The following FAM47E variants were observed in gnomAD, a reference collection of about 807,000 sequenced individuals.
The protein encoded by FAM47E is family with sequence similarity 47 member E, also known as protein FAM47E.
FAM47E carries 32 observed loss-of-function variants against 41.6 expected under a neutral mutation model. That is an observed-to-expected ratio of 0.77 (90% confidence interval 0.58 to 1.03). The LOEUF (loss-of-function observed/expected upper bound fraction) is 1.03, where lower values mean the gene tolerates loss of function less well. FAM47E is among the 50% of genes least tolerant of loss of function. FAM47E has a pLI of 0.00. For synonymous variants in FAM47E, 184 were observed against 188.7 expected, an observed-to-expected ratio of 0.98 and a Z score of 0.20; for missense variants, 424 against 485.4, an observed-to-expected ratio of 0.87 and a Z score of 1.19.
intron 2 of FAM47E, among the ~76,000 whole-genome samples, chr4:76,231,092 T>C (rs904940840): frequency 1.3e-5 from 2 of 151,164 alleles, no homozygotes; most frequent in African/African-American, 2.5e-5. Context: ...CATGCTAAGG[T>C]GAAACCGTAG....
chr4:76,276,617 C>T (rs992756175), intron 5 of FAM47E, among the ~76,000 whole-genome samples: 1 of 152,156 alleles, frequency 6.6e-6, no homozygotes, highest in African/African-American at 2.4e-5. Context: ...CCCACCTTGG[C>T]CTTCCAAAGT....
intron 2 of FAM47E, among the ~76,000 whole-genome samples, chr4:76,259,153 T>C (rs1416178124): frequency 1.3e-5 from 2 of 152,228 alleles, no homozygotes; most frequent in Non-Finnish European, 2.9e-5. Flanking sequence ...AATTATTCAA[T>C]TGTGTACAAT....
At chr4:76,214,461 G>A (rs993956008) in intron 1 of FAM47E, 7 of 368,946 alleles carry the variant, frequency 1.9e-5, no homozygotes, top group African/African-American at 1.5e-4. Flanking sequence ...AGCAAAACCT[G>A]TAGGAAGCAA....
At chr4:76,238,214 G>T (rs1733628120) in intron 2 of FAM47E, among the ~76,000 whole-genome samples, 1 of 152,126 alleles carries the variant, frequency 6.6e-6, no homozygotes, top group African/African-American at 2.4e-5. Flanking sequence ...TTTGTATCAC[G>T]GTTGACCCAG....
intron 4 of FAM47E, among the ~76,000 whole-genome samples, chr4:76,270,432 T>TG (rs1230028001): frequency 5.3e-5 from 8 of 151,780 alleles, no homozygotes. Flanking sequence ...AAGCCAAGAG[T>TG]GGGGGTGTCC....
At position 76,227,884 on chromosome 4, in the gene FAM47E, C is replaced by CT. The variant is rs1473033570; in HGVS notation, c.81+10201dup. On this transcript the variant is annotated intron_variant, in intron 2 of 7. Transcript: ENST00000510197. ...TTTGGTGTTCATTTGCCTAGAATAT[C>CT]TTTTTCTAGCCCATTACATTAAGTT... Among the ~76,000 whole-genome samples the CT allele has an allele frequency of 5.3e-5, 8 of 152,240 alleles. No homozygotes were observed. In the East Asian group the frequency reaches 9.6e-4, roughly 18 times the overall value.
intron 7 of FAM47E, chr4:76,281,105 A>T (rs1413780454): frequency 6.6e-6 from 1 of 152,254 alleles, no homozygotes; most frequent in Non-Finnish European, 1.5e-5. Flanking sequence ...ATAGCTGATA[A>T]TGTCAAGCAT....
At chr4:76,247,485 C>T (rs1323488390), upstream of FAM47E, among the ~76,000 whole-genome samples, 3 of 152,038 alleles carry the variant, frequency 2.0e-5, no homozygotes, top group Non-Finnish European at 4.4e-5. Context: ...TATGGTAAAC[C>T]TTTGCTTAGC....
At chr4:76,265,390 G>A (rs1057057630) in intron 3 of FAM47E, among the ~76,000 whole-genome samples, 21 of 152,166 alleles carry the variant, frequency 1.4e-4, no homozygotes, top group Admixed American at 9.8e-4. Flanking sequence ...AAGCCATGTC[G>A]TCTATCATGG....
intron 2 of FAM47E, among the ~76,000 whole-genome samples, chr4:76,228,688 C>A (rs1455414679): frequency 6.6e-6 from 1 of 152,094 alleles, no homozygotes; most frequent in Non-Finnish European, 1.5e-5. Context: ...CCAATCCTTT[C>A]TGGCTTGTAG....
At position 76,227,096 on chromosome 4, in the gene FAM47E, A is replaced by G. The variant is rs1262774336; in HGVS notation, c.81+9408A>G. ...GGGTTTGGTTTGTTCTTGTTTCTCT[A>G]GTTTCTTGAGGTGTGACCTTAGAGT... On this transcript the variant is annotated intron_variant, in intron 2 of 7. Transcript: ENST00000510197. Among the ~76,000 whole-genome samples, 4 of 151,396 alleles carry G rather than the reference A, an allele frequency of 2.6e-5. No homozygotes were observed. In the South Asian group the frequency reaches 6.3e-4, roughly 24 times the overall value.
exon 1 of FAM47E, chr4:76,214,342 T>A (rs1385662268): frequency 6.6e-6 from 3 of 453,756 alleles, no homozygotes; most frequent in Non-Finnish European, 1.3e-5. Flanking sequence ...GGGGGATGCA[T>A]AAGTTTGTCA....
chr4:76,234,634 A>AC (rs1733553634), intron 2 of FAM47E: 2 of 151,462 alleles, frequency 1.3e-5, no homozygotes, highest in South Asian at 2.1e-4. Flanking sequence ...TTTTCCGGGG[A>AC]CCCCCTCCCA....
intron 5 of FAM47E, among the ~76,000 whole-genome samples, chr4:76,272,801 TTA>T (rs1383192965): frequency 6.6e-6 from 1 of 152,128 alleles, no homozygotes; most frequent in African/African-American, 2.4e-5. Flanking sequence ...AAACACTACT[TTA>T]TAAACCATGG....
At chr4:76,277,887 A>G (rs1039902548) in intron 5 of FAM47E, among the ~76,000 whole-genome samples, 182 bp from the exon 6 acceptor site, 10 of 152,376 alleles carry the variant, frequency 6.6e-5, no homozygotes, top group African/African-American at 2.4e-4. Context: ...TTATTTTTAA[A>G]TCATGAACTT....
At chr4:76,271,859 C>A in intron 5 of FAM47E, 91 bp downstream of exon 5, 1 of 1,384,464 alleles carries the variant, frequency 7.2e-7, no homozygotes, top group Non-Finnish European at 9.5e-7. Context: ...GTCATGGGTA[C>A]TGGTTTTTTA....
intron 2 of FAM47E, among the ~76,000 whole-genome samples, chr4:76,218,830 G>A (rs1020638185): frequency 6.6e-6 from 1 of 152,102 alleles, no homozygotes; most frequent in African/African-American, 2.4e-5. Flanking sequence ...AATATAGTGG[G>A]CAAAAAGGGT....
chr4:76,256,381 A>G lies in FAM47E; in HGVS notation c.278A>G (p.Lys93Arg). The G allele has an allele frequency of 6.4e-7, 1 of 1,552,040 alleles. No homozygotes were observed. The highest frequency in any genetic ancestry group is 8.7e-7 in the Non-Finnish European group (1 of 1,147,236). ...CTGGCCCCAAAGAAGAGGCAGATCA[A>G]GCTGCTCAAGGAAGCAGACGTGCTT... Reference protein sequence around the residue: ...PQLAPKKRQIKLLKEADVLSK... With the variant: ...PQLAPKKRQIRLLKEADVLSK... The change falls in exon 2 of 8, where the codon AAG becomes AGG. Residue 93 changes from lysine (K) to arginine (R), a missense_variant. Transcript: ENST00000424749.
intron 2 of FAM47E, among the ~76,000 whole-genome samples, chr4:76,233,040 C>T (rs34385906): frequency 0.15 from 22,741 of 152,034 alleles, 2,000 homozygotes; most frequent in East Asian, 0.35. Context: ...ATCCTTTAAC[C>T]CTAGGCAAAA....
Sources: allele counts gnomAD v4.1 joint callset (sites outside exome capture counted in the v4.1 genomes callset), GRCh38; gene constraint gnomAD v4.1.1; transcripts MANE v1.5; gene names NCBI Gene and HGNC (gene_info 2026-07-23, HGNC 2026-07-21).